Variants in PCDHGB4 observed in about 807,000 individuals in gnomAD.
PCDHGB4 encodes the protein protocadherin gamma subfamily B, 4.
Under a neutral mutation model 60.5 loss-of-function variants are expected in PCDHGB4, and 38 were observed. The observed-to-expected ratio is 0.63, with a 90% CI of 0.48 to 0.82. The LOEUF is 0.82. Ranked by LOEUF, PCDHGB4 falls within the 40% of genes least tolerant of loss-of-function variation. The probability of loss-of-function intolerance (pLI) is 0.00; values close to 1 mark genes in which losing one functional copy is unlikely to be tolerated. For synonymous variants in PCDHGB4, 456 were observed against 509.7 expected (o/e 0.89, Z 1.42); for missense variants, 1,109 against 1,209.6 (o/e 0.92, Z 1.23).
chr5:141,389,223 G>C lies in PCDHGB4; in HGVS notation c.1339G>C (p.Ala447Pro), dbSNP rs570029585. 4 of 1,613,876 alleles carry C rather than the reference G, an allele frequency of 2.5e-6. No individual in the cohort carries two copies. Among genetic ancestry groups the C allele is most frequent in the South Asian group, 2.2e-5 (2 of 91,090 alleles). Reference sequence around the variant, plus strand: ...GCACATTGGTGATGTAAATGACAACGCTCCGGTTTTCTCACAGTCTTCCTA... The same window carrying C: ...GCACATTGGTGATGTAAATGACAACCCTCCGGTTTTCTCACAGTCTTCCTA... ...TLHIGDVNDN[A>P]PVFSQSSYIV... Residue 447 changes from alanine (A) to proline (P), a missense_variant, in exon 1 of 4, where the codon GCT (alanine) becomes CCT (proline). Coordinates refer to ENST00000519479, the MANE Select transcript of PCDHGB4 (RefSeq NM_003736.4).
chr5:141,408,263 C>G, intron 1 of PCDHGB4: 1 of 1,606,854 alleles, frequency 6.2e-7, no homozygotes. Flanking sequence ...ATTTCCTTTG[C>G]TGCTGCCTTT....
chr5:141,418,897 A>T, intron 1 of PCDHGB4: 1 of 1,613,980 alleles, frequency 6.2e-7, no homozygotes, highest in Non-Finnish European at 8.5e-7. Flanking sequence ...ACAGCCCAGA[A>T]ATAATCATCA....
intron 1 of PCDHGB4, chr5:141,423,923 G>C: frequency 8.0e-7 from 1 of 1,254,744 alleles, no homozygotes; most frequent in Non-Finnish European, 1.0e-6. Flanking sequence ...CAACTATGCT[G>C]GTTTGGTTTG....
intron 1 of PCDHGB4, among the ~76,000 whole-genome samples, chr5:141,447,303 C>G (rs1328783075): frequency 6.6e-6 from 1 of 151,990 alleles, no homozygotes; most frequent in Non-Finnish European, 1.5e-5. Context: ...CCACACCCGG[C>G]TAATTTTTGT....
At chr5:141,437,650 A>G in intron 1 of PCDHGB4, among the ~76,000 whole-genome samples, 1 of 152,314 alleles carries the variant, frequency 6.6e-6, no homozygotes, top group Non-Finnish European at 1.5e-5. Context: ...AAAAGCAAAC[A>G]CATAGTTTCG....
Position 141,486,219 on chromosome 5 carries a change from A to G in PCDHGB4, c.2398-8588A>G. 1 of 1,614,134 alleles carries G rather than the reference A, an allele frequency of 6.2e-7. No individual in the cohort carries two copies. Among genetic ancestry groups the G allele is most frequent in the African/African-American group, 1.3e-5 (1 of 75,042 alleles). ...CTGGACGTAAATGACAATGCCCCTT[A>G]CATCACAGTGACCTCAGAGCTTGGA... On this transcript the variant is annotated intron_variant, in intron 1 of 3. Transcript: ENST00000519479. This position sits in a 1 kb window ranked among gnomAD's most constrained non-coding sequence, Gnocchi z 5.0.
chr5:141,398,908 G>A, intron 1 of PCDHGB4: 2 of 1,613,978 alleles, frequency 1.2e-6, no homozygotes, highest in East Asian at 2.2e-5. Flanking sequence ...AGGCACCACT[G>A]TGTTGCAAGT....
rs193229261 is a variant in PCDHGB4, at chr5:141,446,714, G to A, written c.2398-48093G>A. ...GCTGGTCTCGAACTCTGATCTGCCCGCCTCGGCCTCCCAAAGTGTGGGGAT... is the reference window on the plus strand; with the variant it reads ...GCTGGTCTCGAACTCTGATCTGCCCACCTCGGCCTCCCAAAGTGTGGGGAT... On this transcript the variant is annotated intron_variant, in intron 1 of 3. Transcript: ENST00000519479. Among the ~76,000 whole-genome samples the A allele has an allele frequency of 3.3e-3, 497 of 152,154 alleles. 2 individuals are homozygous for A. Among genetic ancestry groups the A allele is most frequent in the African/African-American group, 0.011 (450 of 41,528 alleles).
chr5:141,478,590 A>T, intron 1 of PCDHGB4: 1 of 1,573,342 alleles, frequency 6.4e-7, no homozygotes, highest in South Asian at 1.1e-5. Flanking sequence ...GTGCTTTTTT[A>T]TTCCTACATC....
chr5:141,467,788 A>G (rs2099151778), intron 1 of PCDHGB4, among the ~76,000 whole-genome samples: 1 of 152,020 alleles, frequency 6.6e-6, no homozygotes. Flanking sequence ...CCTCTCAAGT[A>G]GCTGGGACTA....
rs773899530 is a variant in PCDHGB4 at position 141,494,864 on chromosome 5, G to C, written c.2455G>C (p.Gly819Arg). ...FSQAQRPGTS[G>R]SQNGDDTGTW... ...TCAGGCCCAGAGACCCGGCACCAGCGGGTAGGTGACTGATTCTCCAGCCCA... is the reference window on the plus strand; with the variant it reads ...TCAGGCCCAGAGACCCGGCACCAGCCGGTAGGTGACTGATTCTCCAGCCCA... The change falls in exon 2 of 4, where the codon GGC becomes CGC. Residue 819 changes from glycine (G) to arginine (R), a missense_variant and splice_region_variant. Transcript: ENST00000519479. The C allele has an allele frequency of 1.2e-6, 2 of 1,614,068 alleles. No individual in the cohort carries two copies. Among genetic ancestry groups the C allele is most frequent in the Middle Eastern group, 1.6e-4 (1 of 6,062 alleles).
rs1248104988 is a variant in PCDHGB4, at chr5:141,409,585, G to A, written c.2397+19304G>A. 3.1e-6 allele frequency: 5 copies of A among 1,613,912 alleles called. No individual in the cohort carries two copies. The Admixed American group carries it at 5.0e-5, about 16-fold the overall frequency. ...ACCAGACGTCCTACGTGGTCCACGT[G>A]GCCGAGAACAACCCGCCAGGAGCCT... On this transcript the variant is annotated intron_variant, in intron 1 of 3. Coordinates refer to ENST00000519479, the MANE Select transcript of PCDHGB4 (RefSeq NM_003736.4).
At chr5:141,428,184 C>A in intron 1 of PCDHGB4, 32 of 1,463,670 alleles carry the variant, frequency 2.2e-5, no homozygotes, top group Non-Finnish European at 3.0e-5. Context: ...GGAGGACAGC[C>A]GCCGCTCTCT....
intron 2 of PCDHGB4, among the ~76,000 whole-genome samples, chr5:141,497,501 C>T (rs1268186916): frequency 6.6e-6 from 1 of 151,182 alleles, no homozygotes; most frequent in Non-Finnish European, 1.5e-5. Flanking sequence ...TCTCTCCTCT[C>T]TCTGCTTCCT....
chr5:141,419,123 A>G (rs2096330317), intron 1 of PCDHGB4: 1 of 1,613,766 alleles, frequency 6.2e-7, no homozygotes, highest in African/African-American at 1.3e-5. Context: ...CAACGTCACC[A>G]TCGCAGCCAC....
In PCDHGB4 at chr5:141,512,243, C is replaced by T. The variant is rs1205585993; in HGVS notation, c.*1070C>T. ...AGGTCCCCTTGAGAGGTCAGAGGGG[C>T]CTCTGTGGGTGCTGGGTACTCCAGA... On this transcript the variant is annotated 3_prime_UTR_variant, in exon 4 of 4. Transcript: ENST00000519479. 2 of 152,728 alleles carry T rather than the reference C, an allele frequency of 1.3e-5. No homozygotes were observed. The highest frequency in any genetic ancestry group is 1.5e-5 in the Non-Finnish European group (1 of 68,138). 9.5% of individuals were successfully genotyped at this position (152,728 alleles called of 1,614,324 possible).
chr5:141,441,764 C>A, intron 1 of PCDHGB4: 1 of 384,482 alleles, frequency 2.6e-6, no homozygotes, highest in South Asian at 2.1e-5. Flanking sequence ...TGAGCCTGCG[C>A]GTGTTGGTGG....
At chr5:141,479,877 T>C (rs967661238) in intron 1 of PCDHGB4, among the ~76,000 whole-genome samples, 2 of 152,188 alleles carry the variant, frequency 1.3e-5, no homozygotes, top group African/African-American at 4.8e-5. Flanking sequence ...GAGAACCCTA[T>C]ACATACTCTC....
chr5:141,414,210 T>C (rs1252033650), intron 1 of PCDHGB4: 1 of 1,612,706 alleles, frequency 6.2e-7, no homozygotes, highest in East Asian at 2.2e-5. Flanking sequence ...AAGATGTAAA[T>C]GACAACAGTC....
Sources: allele counts gnomAD v4.1 joint callset (sites outside exome capture counted in the v4.1 genomes callset), GRCh38; gene constraint gnomAD v4.1.1; non-coding constraint Gnocchi (gnomAD v3.1); transcripts MANE v1.5; gene names NCBI Gene and HGNC (gene_info 2026-07-23, HGNC 2026-07-21).